Variants in DGKB observed in about 807,000 individuals in gnomAD.
The protein encoded by DGKB is 90 kDa diacylglycerol kinase.
DGKB carries 67 observed loss-of-function variants against 114.3 expected under a neutral mutation model. That is an observed-to-expected ratio of 0.59 (90% CI 0.48 to 0.72). The LOEUF (loss-of-function observed/expected upper bound fraction) is 0.72. Among genes scored for constraint, DGKB ranks in the 30% least tolerant of loss-of-function variants. DGKB has a pLI of 0.00. For synonymous variants in DGKB, 398 were observed against 323.1 expected (o/e 1.23, Z -2.49); for missense variants, 907 against 975.2 (o/e 0.93, Z 0.93).
intron 25 of DGKB, among the ~76,000 whole-genome samples, chr7:14,149,890 A>G (rs1330125565): frequency 6.6e-6 from 1 of 152,212 alleles, no homozygotes; most frequent in Admixed American, 6.6e-5. Context: ...AGACTGTTCT[A>G]AAGCTACTCG....
At chr7:14,170,146 AAAGAAAGAAAGAAAGAAAGAAAGAAAG>A (rs1780695191) in intron 25 of DGKB, among the ~76,000 whole-genome samples, 1 of 25,892 alleles carries the variant, frequency 3.9e-5, no homozygotes. Flanking sequence ...AAAAAAAAAA[AAAGAAAGAAAGAAAGAAAGAAAGAAAG>A]AAAGAAAGAA....
chr7:14,629,462 T>A (rs1031762508), intron 14 of DGKB, among the ~76,000 whole-genome samples: 2 of 152,034 alleles, frequency 1.3e-5, no homozygotes, highest in African/African-American at 4.8e-5. Flanking sequence ...TTTACAAACA[T>A]GTTATCCTCT....
chr7:14,373,991 T>A (rs963327184), intron 21 of DGKB, among the ~76,000 whole-genome samples: 1 of 152,072 alleles, frequency 6.6e-6, no homozygotes, highest in African/African-American at 2.4e-5. Context: ...TCTGCTGAGG[T>A]CCCCTTGCCC....
At chr7:14,497,248 T>G (rs1281070073) in intron 20 of DGKB, among the ~76,000 whole-genome samples, 1 of 151,790 alleles carries the variant, frequency 6.6e-6, no homozygotes, top group Non-Finnish European at 1.5e-5. Context: ...TGTAAACTAT[T>G]AGGGTGATGG....
chr7:14,613,581 GTA>G (rs879319120), intron 15 of DGKB, among the ~76,000 whole-genome samples, 168 bp from the exon 16 acceptor site: 1,959 of 82,262 alleles, frequency 0.024, 32 homozygotes, highest in Middle Eastern at 0.083. Context: ...GTGTGCGTGT[GTA>G]TGTGTGTGTG....
intron 20 of DGKB, among the ~76,000 whole-genome samples, chr7:14,551,538 T>A (rs946579657): frequency 6.6e-6 from 1 of 152,132 alleles, no homozygotes; most frequent in African/African-American, 2.4e-5. Context: ...TGCTACAAAA[T>A]CAATACTCTA....
chr7:14,889,565 G>A (rs1256404511), intron 1 of DGKB, among the ~76,000 whole-genome samples: 1 of 151,438 alleles, frequency 6.6e-6, no homozygotes, highest in Non-Finnish European at 1.5e-5. Context: ...TGCTTGGTTT[G>A]GGAAACTGAA....
intron 1 of DGKB, among the ~76,000 whole-genome samples, chr7:14,946,513 A>T (rs1156617174): frequency 6.6e-6 from 1 of 151,812 alleles, no homozygotes; most frequent in Non-Finnish European, 1.5e-5. Context: ...AATCTACAAT[A>T]AGATATTTAA....
intron 6 of DGKB, among the ~76,000 whole-genome samples, chr7:14,706,771 G>A (rs1321430972): frequency 1.9e-5 from 2 of 103,716 alleles, no homozygotes; most frequent in Non-Finnish European, 1.9e-5. Flanking sequence ...AAACCAACGA[G>A]AACAAAGACA....
chr7:14,689,211 T>TTATTTTTTTTA (rs1822338800), intron 9 of DGKB, among the ~76,000 whole-genome samples: 1 of 129,700 alleles, frequency 7.7e-6, no homozygotes, highest in South Asian at 2.8e-4. Flanking sequence ...TTTTTTTTTT[T>TTATTTTTTTTA]TTTTTTTTTT....
chr7:14,279,424 G>C (rs960389145), intron 23 of DGKB, among the ~76,000 whole-genome samples: 1 of 152,158 alleles, frequency 6.6e-6, no homozygotes, highest in African/African-American at 2.4e-5. Context: ...CCACCTCTGG[G>C]GGCAGGGCAC....
chr7:14,470,849 T>G (rs1370726423), intron 21 of DGKB, among the ~76,000 whole-genome samples: 1 of 151,614 alleles, frequency 6.6e-6, no homozygotes, highest in East Asian at 1.9e-4. Flanking sequence ...ATCATCATGA[T>G]GTAAGACAAT....
chr7:14,948,049 G>A lies in DGKB; in HGVS notation c.-188+26647C>T, dbSNP rs192271959. Among the ~76,000 whole-genome samples the A allele has an allele frequency of 7.9e-5, 12 of 151,776 alleles. No individual in the cohort carries two copies. In the East Asian group the frequency reaches 2.3e-3, roughly 29 times the overall value. On this transcript the variant is annotated intron_variant, in intron 1 of 4. Coordinates refer to the DGKB transcript ENST00000437998. ...ATGGTTATATTTTCACAAATTTAAA[G>A]TTAATATATTGGCGATTTTATTTTC...
intron 1 of DGKB, among the ~76,000 whole-genome samples, chr7:14,931,082 T>A (rs1784991616): frequency 6.6e-6 from 1 of 152,106 alleles, no homozygotes; most frequent in Non-Finnish European, 1.5e-5. Flanking sequence ...TATTAACGTT[T>A]TGATGTGCTG....
chr7:14,274,547 A>T (rs1460427295), intron 23 of DGKB, among the ~76,000 whole-genome samples: 1 of 152,088 alleles, frequency 6.6e-6, no homozygotes, highest in African/African-American at 2.4e-5. Context: ...ATTGTTTCTA[A>T]CTTTATGTGT....
chr7:14,162,401 G>A (rs915925834), intron 25 of DGKB, among the ~76,000 whole-genome samples: 11 of 152,104 alleles, frequency 7.2e-5, no homozygotes, highest in Non-Finnish European at 1.5e-5. Flanking sequence ...ACAAAATTCT[G>A]ATAAGTACAT....
intron 21 of DGKB, among the ~76,000 whole-genome samples, chr7:14,398,067 T>C (rs1347998791): frequency 6.6e-6 from 1 of 152,108 alleles, no homozygotes; most frequent in African/African-American, 2.4e-5. Flanking sequence ...CTTCAAAGGA[T>C]GTTTTACGCA....
At chr7:14,808,825 T>C (rs1320473280) in intron 2 of DGKB, among the ~76,000 whole-genome samples, 1 of 152,098 alleles carries the variant, frequency 6.6e-6, no homozygotes, top group Non-Finnish European at 1.5e-5. Context: ...TGTAATCAGC[T>C]GTGTGACCTT....
intron 4 of DGKB, among the ~76,000 whole-genome samples, chr7:14,741,734 C>T (rs1485742419): frequency 6.6e-6 from 1 of 152,156 alleles, no homozygotes; most frequent in Non-Finnish European, 1.5e-5. Flanking sequence ...CTTGTATACT[C>T]GCAGTTAAAT....
Sources: allele counts gnomAD v4.1 joint callset (sites outside exome capture counted in the v4.1 genomes callset), GRCh38; gene constraint gnomAD v4.1.1; transcripts MANE v1.5; gene names NCBI Gene and HGNC (gene_info 2026-07-23, HGNC 2026-07-21).